MYO3A: variants seen among roughly 807,000 people sequenced by gnomAD.
MYO3A encodes the protein myosin-IIIa.
In MYO3A, 180 loss-of-function variants were observed where a neutral mutation model predicts 192.7. The ratio of observed to expected loss-of-function variants is 0.93; its 90% CI spans 0.83 to 1.06. The LOEUF (loss-of-function observed/expected upper bound fraction) is 1.06, where lower values mean the gene tolerates loss of function less well. MYO3A is among the 50% of genes least tolerant of loss of function. The pLI is 0.00. For synonymous variants in MYO3A, 628 were observed against 645.3 expected (o/e 0.97, Z 0.41); for missense variants, 1,896 against 1,905.0 (o/e 1.00, Z 0.09).
At chr10:26,143,055 G>A (rs1445351721) in intron 20 of MYO3A, among the ~76,000 whole-genome samples, 1 of 152,176 alleles carries the variant, frequency 6.6e-6, no homozygotes, top group Non-Finnish European at 1.5e-5. Flanking sequence ...GTCAGGCCGG[G>A]CGCGGTGGCT....
At chr10:26,201,668 C>A (rs2132206009) in intron 33 of MYO3A, among the ~76,000 whole-genome samples, 1 of 147,616 alleles carries the variant, frequency 6.8e-6, no homozygotes, top group East Asian at 2.0e-4. Flanking sequence ...CCTGAGCAGT[C>A]GACTGGGCGA....
At position 26,096,334 on chromosome 10, in the gene MYO3A, A is replaced by G. The variant is rs898975144; in HGVS notation, c.1563-47A>G. 3.0e-6 allele frequency: 4 copies of G among 1,355,692 alleles called. No homozygotes were observed. The African/African-American group carries it at 5.8e-5, about 20-fold the overall frequency. 84.0% of individuals were successfully genotyped at this position (1,355,692 alleles called of 1,614,324 possible). A position where few individuals can be genotyped will look rare whatever the true frequency, so the allele number is the denominator to read the frequency against. ...ATTATATTGTCAAGTAACTTAAGCA[A>G]GAAATGTTCTTACTAACTACCTTAC... On this transcript the variant is annotated intron_variant, in intron 15 of 34. Coordinates refer to ENST00000642920, the MANE Select transcript of MYO3A (RefSeq NM_017433.5).
rs754981782 is a variant in MYO3A, at chr10:26,125,613, A to C, written c.2114+5A>C. On this transcript the variant is annotated splice_donor_5th_base_variant and intron_variant, in intron 19 of 34. Coordinates refer to ENST00000642920, the MANE Select transcript of MYO3A (RefSeq NM_017433.5). ...GAAGCATGACTCATCACCAAGGTAAAAATTTTTACAGAAACATTTTTTTCC... is the reference window on the plus strand; with the variant it reads ...GAAGCATGACTCATCACCAAGGTAACAATTTTTACAGAAACATTTTTTTCC... The C allele has an allele frequency of 6.8e-6, 11 of 1,612,730 alleles. No individual in the cohort carries two copies. Among genetic ancestry groups the C allele is most frequent in the Non-Finnish European group, 9.3e-6 (11 of 1,178,970 alleles).
At chr10:26,106,565 G>T (rs1029369633) in intron 17 of MYO3A, among the ~76,000 whole-genome samples, 2 of 151,710 alleles carry the variant, frequency 1.3e-5, no homozygotes, top group Non-Finnish European at 2.9e-5. Flanking sequence ...GATTATAGTT[G>T]GCCTCTGAGT....
At chr10:26,205,594 ATTTCT>A (rs1318063064) in intron 34 of MYO3A, among the ~76,000 whole-genome samples, 3 of 96,796 alleles carry the variant, frequency 3.1e-5, no homozygotes, top group Non-Finnish European at 4.3e-5. Flanking sequence ...AAATGGCAGG[ATTTCT>A]TTTCTTTTCT....
At chr10:26,050,719 GC>G (rs1229153804) in intron 10 of MYO3A, among the ~76,000 whole-genome samples, 1 of 152,172 alleles carries the variant, frequency 6.6e-6, no homozygotes, top group Admixed American at 6.5e-5. Context: ...CACATTTACA[GC>G]GTAAACACGC....
At chr10:26,099,294 C>A (rs1837273198) in intron 17 of MYO3A, among the ~76,000 whole-genome samples, 1 of 152,186 alleles carries the variant, frequency 6.6e-6, no homozygotes, top group South Asian at 2.1e-4. Context: ...TGCTTATCAG[C>A]TTAAGCAGAT....
intron 20 of MYO3A, among the ~76,000 whole-genome samples, chr10:26,135,095 T>C (rs1374164631): frequency 6.6e-6 from 1 of 152,124 alleles, no homozygotes; most frequent in Non-Finnish European, 1.5e-5. Context: ...TGACTCCCTC[T>C]CCTCAACTGT....
At chr10:25,950,430 C>T (rs1334470228) in intron 2 of MYO3A, among the ~76,000 whole-genome samples, 1 of 151,996 alleles carries the variant, frequency 6.6e-6, no homozygotes, top group African/African-American at 2.4e-5. Flanking sequence ...ATAGTAATTC[C>T]AGAGAACAGG....
chr10:25,952,382 A>ATTG, intron 3 of MYO3A, 104 bp downstream of exon 3: 2 of 1,237,062 alleles, frequency 1.6e-6, no homozygotes, highest in South Asian at 2.8e-5. Flanking sequence ...AGCAGTCTAA[A>ATTG]ACAGGTTACA....
chr10:25,995,149 A>G (rs995512573), intron 4 of MYO3A, among the ~76,000 whole-genome samples: 3 of 152,204 alleles, frequency 2.0e-5, no homozygotes, highest in Non-Finnish European at 4.4e-5. Context: ...AGGTACACCA[A>G]TCAGACGTAG....
intron 17 of MYO3A, among the ~76,000 whole-genome samples, chr10:26,108,530 T>C (rs1355096146): frequency 6.6e-6 from 1 of 152,264 alleles, no homozygotes; most frequent in East Asian, 1.9e-4. Flanking sequence ...AATTATTGAA[T>C]CTAATGATTT....
chr10:26,039,207 A>ATTT (rs34416918), intron 10 of MYO3A, among the ~76,000 whole-genome samples: 1,798 of 106,786 alleles, frequency 0.017, 53 homozygotes, highest in African/African-American at 0.038. Flanking sequence ...GGCTCGGCTA[A>ATTT]TTTTTTTTTT....
chr10:26,022,854 T>C (rs1291795811), intron 8 of MYO3A: 2 of 152,198 alleles, frequency 1.3e-5, no homozygotes, highest in African/African-American at 4.8e-5. Flanking sequence ...TAACAGGCAA[T>C]GTGCAAAGTA....
chr10:25,994,503 G>A (rs1000746844), intron 4 of MYO3A, among the ~76,000 whole-genome samples: 5 of 152,146 alleles, frequency 3.3e-5, no homozygotes, highest in Non-Finnish European at 7.3e-5. Flanking sequence ...GGAGCATTTA[G>A]TCCATTTACA....
chr10:26,033,589 T>G (rs896654451), intron 10 of MYO3A, among the ~76,000 whole-genome samples: 2 of 152,216 alleles, frequency 1.3e-5, no homozygotes, highest in Non-Finnish European at 2.9e-5. Flanking sequence ...TCTCAACATT[T>G]GTTGAGGCCA....
At chr10:25,983,480 A>G (rs1020319557) in intron 4 of MYO3A, among the ~76,000 whole-genome samples, 1 of 152,036 alleles carries the variant, frequency 6.6e-6, no homozygotes, top group Non-Finnish European at 1.5e-5. Context: ...GATGGTCTCG[A>G]TCTCCTGACC....
At chr10:26,113,489 A>C (rs1020194449) in intron 17 of MYO3A, among the ~76,000 whole-genome samples, 1 of 148,642 alleles carries the variant, frequency 6.7e-6, no homozygotes, top group Non-Finnish European at 1.5e-5. Flanking sequence ...AAAAAAAAAC[A>C]AAAAAAAACT....
Position 26,173,879 on chromosome 10 carries a change from C to T in MYO3A, c.3615C>T (p.Tyr1205=), listed in dbSNP as rs774023789. ...VYEEEVKQEF[Y]LVGPEVSPKQ... is the part of the protein sequence containing the mutation. ...AGGAAGAGGTTAAGCAAGAATTCTA[C>T]CTTGTAGGGCCAGAAGTAAGCCCCA... The change falls in exon 30 of 35, where the codon TAC becomes TAT. Residue 1205 remains tyrosine, a synonymous_variant. Transcript: ENST00000642920. 6.2e-7 allele frequency: 1 copy of T among 1,613,946 alleles called. No homozygotes were observed. The highest frequency in any genetic ancestry group is 8.5e-7 in the Non-Finnish European group (1 of 1,180,012).
Sources: gnomAD v4.1 joint callset for allele counts (sites outside exome capture counted in the v4.1 genomes callset) on GRCh38, gnomAD v4.1.1 for gene constraint, MANE v1.5 for transcripts, NCBI Gene and HGNC (gene_info 2026-07-23, HGNC 2026-07-21) for gene names.